RALYL: variants seen among roughly 807,000 people sequenced by gnomAD.
RALYL encodes RNA-binding Raly-like protein.
A neutral mutation model predicts 35.1 loss-of-function variants in RALYL; 29 were observed. That is an observed-to-expected ratio of 0.83 (90% CI 0.61 to 1.13). RALYL has a LOEUF of 1.13. RALYL is among the 50% of genes most tolerant of loss of function. RALYL has a pLI of 0.00. For synonymous variants in RALYL, 120 were observed against 127.6 expected (o/e 0.94, Z 0.40); for missense variants, 359 against 360.4 (o/e 1.00, Z 0.03).
At chr8:84,683,192 C>T (rs1588984057) in intron 2 of RALYL, among the ~76,000 whole-genome samples, 1 of 152,318 alleles carries the variant, frequency 6.6e-6, no homozygotes, top group East Asian at 1.9e-4. Context: ...TTTGATTGCA[C>T]TGTGGTCTGA....
At chr8:84,281,887 T>G (rs1217730623) in intron 1 of RALYL, among the ~76,000 whole-genome samples, 1 of 152,084 alleles carries the variant, frequency 6.6e-6, no homozygotes, top group Non-Finnish European at 1.5e-5. Flanking sequence ...CCATTTCATT[T>G]TGAACTTATG....
chr8:84,417,993 C>T (rs1249963613), intron 1 of RALYL, among the ~76,000 whole-genome samples: 1 of 152,148 alleles, frequency 6.6e-6, no homozygotes, highest in Non-Finnish European at 1.5e-5. Flanking sequence ...TACTAAGTTG[C>T]CCAACAGGAG....
At chr8:84,307,818 G>A (rs543133693) in intron 1 of RALYL, among the ~76,000 whole-genome samples, 1 of 152,064 alleles carries the variant, frequency 6.6e-6, no homozygotes, top group Non-Finnish European at 1.5e-5. Flanking sequence ...GATCAGAATG[G>A]GGTTATTAGC....
At chr8:84,374,184 T>C (rs1856476296) in intron 1 of RALYL, among the ~76,000 whole-genome samples, 1 of 151,974 alleles carries the variant, frequency 6.6e-6, no homozygotes, top group Non-Finnish European at 1.5e-5. Flanking sequence ...CTTTTCCTAT[T>C]TGGATGCTCT....
intron 1 of RALYL, among the ~76,000 whole-genome samples, chr8:84,275,531 C>G (rs1563652044): frequency 1.3e-5 from 2 of 151,482 alleles, no homozygotes; most frequent in Non-Finnish European, 2.9e-5. Flanking sequence ...CACATAGTTA[C>G]CACTTTCATG....
At position 84,682,773 on chromosome 8, in the gene RALYL, G is replaced by T. The variant is rs545151025; in HGVS notation, c.257-91806G>T. 7.9e-5 allele frequency among the ~76,000 whole-genome samples: 12 copies of T among 151,196 alleles called. No individual in the cohort carries two copies. In the East Asian group the frequency reaches 9.7e-4, roughly 12 times the overall value. Reference sequence around the variant, plus strand: ...TTGCTAGCGGTCTATCAATTTTGTTGATCTTTTCAAAAAACCAGCTCCTGG... The same window carrying T: ...TTGCTAGCGGTCTATCAATTTTGTTTATCTTTTCAAAAAACCAGCTCCTGG... On this transcript the variant is annotated intron_variant, in intron 2 of 8. Coordinates refer to ENST00000521268, the MANE Select transcript of RALYL (RefSeq NM_173848.7).
chr8:84,568,092 A>G (rs531942209), intron 2 of RALYL, among the ~76,000 whole-genome samples: 119 of 151,734 alleles, frequency 7.8e-4, no homozygotes, highest in Middle Eastern at 3.4e-3. Context: ...GTACATGTGC[A>G]CAATGTGCAG....
chr8:84,265,553 G>A (rs1833126055), intron 1 of RALYL, among the ~76,000 whole-genome samples: 1 of 152,166 alleles, frequency 6.6e-6, no homozygotes, highest in Admixed American at 6.5e-5. Flanking sequence ...GTAACCTGAT[G>A]ATTAAGGAAA....
chr8:84,329,618 T>C (rs1168614290), intron 1 of RALYL, among the ~76,000 whole-genome samples: 1 of 152,116 alleles, frequency 6.6e-6, no homozygotes, highest in East Asian at 1.9e-4. Flanking sequence ...TTAGGTATTA[T>C]AGGGTCCTGC....
At chr8:84,916,051 T>C (rs558637913) in intron 8 of RALYL, among the ~76,000 whole-genome samples, 1 of 152,132 alleles carries the variant, frequency 6.6e-6, no homozygotes, top group Non-Finnish European at 1.5e-5. Flanking sequence ...TGCTAAGATG[T>C]TTTATTTTCT....
intron 1 of RALYL, among the ~76,000 whole-genome samples, chr8:84,261,470 T>C (rs762753990): frequency 1.3e-5 from 2 of 152,122 alleles, no homozygotes; most frequent in African/African-American, 2.4e-5. Context: ...GCATCTACCA[T>C]ATGAAGAAGG....
At chr8:84,676,843 C>A (rs540116020) in intron 2 of RALYL, among the ~76,000 whole-genome samples, 1 of 152,154 alleles carries the variant, frequency 6.6e-6, no homozygotes, top group African/African-American at 2.4e-5. Flanking sequence ...CGCTTTGTCA[C>A]CCAGGCTGGA....
intron 2 of RALYL, among the ~76,000 whole-genome samples, chr8:84,698,313 G>A (rs372887509): frequency 2.0e-5 from 3 of 151,942 alleles, no homozygotes; most frequent in African/African-American, 7.2e-5. Context: ...CAATTAATTA[G>A]GGAACTATTT....
intron 1 of RALYL, among the ~76,000 whole-genome samples, chr8:84,505,627 C>G (rs534608795): frequency 6.6e-6 from 1 of 151,828 alleles, no homozygotes; most frequent in African/African-American, 2.4e-5. Context: ...TTGCACGACA[C>G]TGAGGGTTAG....
intron 2 of RALYL, among the ~76,000 whole-genome samples, chr8:84,677,181 C>T (rs949621278): frequency 6.6e-6 from 1 of 152,174 alleles, no homozygotes; most frequent in Admixed American, 6.6e-5. Flanking sequence ...AGAGCTATAT[C>T]TATTAAGCCT....
At chr8:84,733,351 G>T (rs542037218) in intron 2 of RALYL, among the ~76,000 whole-genome samples, 3 of 152,106 alleles carry the variant, frequency 2.0e-5, no homozygotes, top group South Asian at 2.1e-4. Context: ...ATTTCCTTAT[G>T]CTACCAAGTT....
intron 1 of RALYL, among the ~76,000 whole-genome samples, chr8:84,191,752 T>C (rs942356878): frequency 1.3e-5 from 2 of 152,184 alleles, no homozygotes; most frequent in Non-Finnish European, 2.9e-5. Flanking sequence ...TGCATAATGA[T>C]ACTCTAAATA....
chr8:84,726,963 T>A (rs1001680218), intron 2 of RALYL, among the ~76,000 whole-genome samples: 2 of 152,014 alleles, frequency 1.3e-5, no homozygotes, highest in African/African-American at 4.8e-5. Flanking sequence ...CTACAGTGTT[T>A]AAAACTTGAA....
chr8:84,415,430 G>A (rs1055452783), intron 1 of RALYL, among the ~76,000 whole-genome samples: 1 of 151,998 alleles, frequency 6.6e-6, no homozygotes, highest in Admixed American at 6.6e-5. Flanking sequence ...AGTAGAGATG[G>A]GGTTTTGCCA....
Sources: gnomAD v4.1 joint callset for allele counts (sites outside exome capture counted in the v4.1 genomes callset) on GRCh38, gnomAD v4.1.1 for gene constraint, MANE v1.5 for transcripts, NCBI Gene and HGNC (gene_info 2026-07-23, HGNC 2026-07-21) for gene names.